The following SBF2 variants were observed in gnomAD, a reference collection of about 807,000 sequenced individuals.
The protein encoded by SBF2 is myotubularin-related protein 13.
Under a neutral mutation model 225.2 loss-of-function variants are expected in SBF2, and 112 were observed. The ratio of observed to expected loss-of-function variants is 0.50; its 90% confidence interval spans 0.43 to 0.58. The LOEUF (loss-of-function observed/expected upper bound fraction) is 0.58, where lower values mean the gene tolerates loss of function less well. Ranked by LOEUF, SBF2 falls within the 20% of genes least tolerant of loss-of-function variation. SBF2 has a pLI of 0.00. For synonymous variants in SBF2, 763 were observed against 773.3 expected (o/e 0.99, Z 0.22); for missense variants, 1,996 against 2,206.2 (o/e 0.90, Z 1.91).
intron 16 of SBF2, among the ~76,000 whole-genome samples, chr11:9,902,777 C>T (rs1861818318): frequency 6.6e-6 from 1 of 152,014 alleles, no homozygotes; most frequent in Admixed American, 6.5e-5. Context: ...AGTTAAGATA[C>T]AACTAAACTA....
intron 30 of SBF2, 107 bp from the exon 31 acceptor site, chr11:9,809,109 G>A (rs928989220): frequency 1.0e-4 from 79 of 773,116 alleles, no homozygotes; most frequent in South Asian, 2.5e-4. Flanking sequence ...GGGATAAAGC[G>A]CTTGCACAAA....
intron 2 of SBF2, among the ~76,000 whole-genome samples, chr11:10,060,794 C>T (rs1279239675): frequency 2.0e-5 from 3 of 152,030 alleles, no homozygotes; most frequent in African/African-American, 4.8e-5. Context: ...TTTGGGAGGC[C>T]GAGGCAGGAG....
At chr11:9,819,372 A>G (rs1456143794) in intron 28 of SBF2, 1 of 152,226 alleles carries the variant, frequency 6.6e-6, no homozygotes, top group East Asian at 1.9e-4. Flanking sequence ...GAGCAGATTG[A>G]GTAAGAGAAG....
intron 19 of SBF2, among the ~76,000 whole-genome samples, chr11:9,854,521 T>C (rs567151145): frequency 3.9e-4 from 60 of 152,348 alleles, no homozygotes; most frequent in African/African-American, 1.3e-3. Flanking sequence ...AAGCAGAGAC[T>C]ATGGCCATCA....
chr11:10,133,822 G>A (rs531554767), intron 2 of SBF2, among the ~76,000 whole-genome samples: 9 of 152,204 alleles, frequency 5.9e-5, no homozygotes, highest in Admixed American at 1.3e-4. Flanking sequence ...GGGAGGTGCC[G>A]AGAGCAAGCG....
chr11:10,226,958 C>T (rs1288694282), intron 1 of SBF2, among the ~76,000 whole-genome samples: 1 of 152,168 alleles, frequency 6.6e-6, no homozygotes, highest in Admixed American at 6.5e-5. Flanking sequence ...AAAAGTGTTC[C>T]TATTTCTCCA....
chr11:9,904,368 C>A (rs989383067), intron 16 of SBF2, among the ~76,000 whole-genome samples: 6 of 152,040 alleles, frequency 3.9e-5, no homozygotes, highest in African/African-American at 4.8e-5. Flanking sequence ...TGAAGCACTA[C>A]ATAATAATAA....
Position 9,870,485 on chromosome 11 carries a change from T to A in SBF2, c.1930-12089A>T, listed in dbSNP as rs192834526. Among the ~76,000 whole-genome samples the A allele has an allele frequency of 1.0e-3, 158 of 152,308 alleles. 1 individual carries two copies. The highest frequency in any genetic ancestry group is 1.9e-3 in the Non-Finnish European group (126 of 68,022). ...CAAGGCTACAGGAACCCAAACAGCA[T>A]GGTATTGGTACCAAAACAAATATGT... is the stretch of plus-strand genomic sequence containing the variant. On this transcript the variant is annotated intron_variant, in intron 17 of 39. Transcript: ENST00000256190.
At chr11:9,890,767 G>A (rs1294319168) in intron 17 of SBF2, among the ~76,000 whole-genome samples, 1 of 152,148 alleles carries the variant, frequency 6.6e-6, no homozygotes, top group Non-Finnish European at 1.5e-5. Flanking sequence ...GAAACCCTTT[G>A]GAATACCCTG....
chr11:9,991,575 C>A (rs895627158), intron 12 of SBF2, among the ~76,000 whole-genome samples: 1 of 152,078 alleles, frequency 6.6e-6, no homozygotes, highest in African/African-American at 2.4e-5. Flanking sequence ...TAATATAGTA[C>A]TCTTTCAAAA....
At chr11:10,173,976 A>C (rs1241257488) in intron 2 of SBF2, among the ~76,000 whole-genome samples, 10 of 151,998 alleles carry the variant, frequency 6.6e-5, no homozygotes. Flanking sequence ...AAAACTAACA[A>C]ACAGAAAGGA....
chr11:10,265,533 C>A, intron 1 of SBF2, among the ~76,000 whole-genome samples: 1 of 148,736 alleles, frequency 6.7e-6, no homozygotes, highest in Non-Finnish European at 1.5e-5. Context: ...CACAGGGTAT[C>A]TTTTTAAAAT....
At chr11:9,918,934 C>T (rs1001626576) in intron 16 of SBF2, among the ~76,000 whole-genome samples, 5 of 151,718 alleles carry the variant, frequency 3.3e-5, no homozygotes, top group African/African-American at 4.8e-5. Flanking sequence ...AGTAGAGACG[C>T]GGTTTCACCG....
At chr11:10,251,661 T>C (rs921705216) in intron 1 of SBF2, among the ~76,000 whole-genome samples, 6 of 152,212 alleles carry the variant, frequency 3.9e-5, no homozygotes, top group African/African-American at 9.6e-5. Flanking sequence ...CCTGGCATTA[T>C]CCTCCCAATA....
chr11:10,190,234 G>A (rs1427662169), intron 2 of SBF2, among the ~76,000 whole-genome samples: 1 of 151,656 alleles, frequency 6.6e-6, no homozygotes, highest in African/African-American at 2.4e-5. Context: ...CTCTGATCTA[G>A]CCAATAAAAA....
intron 36 of SBF2, among the ~76,000 whole-genome samples, chr11:9,786,121 A>G (rs919857864): frequency 6.6e-6 from 1 of 152,134 alleles, no homozygotes; most frequent in Admixed American, 6.5e-5. Context: ...TCGGCCTCCC[A>G]AAGTGCTGGG....
intron 16 of SBF2, among the ~76,000 whole-genome samples, chr11:9,923,343 A>T (rs769622379): frequency 3.9e-5 from 6 of 152,134 alleles, no homozygotes; most frequent in Non-Finnish European, 8.8e-5. Flanking sequence ...CAAAACAGAC[A>T]AGGCGTGCTG....
intron 28 of SBF2, among the ~76,000 whole-genome samples, chr11:9,821,069 A>G (rs1363961315): frequency 6.6e-6 from 1 of 152,178 alleles, no homozygotes; most frequent in African/African-American, 2.4e-5. Context: ...TGTTGGAGAA[A>G]GGCACAGACC....
At chr11:10,013,406 A>G (rs1300860524) in intron 6 of SBF2, among the ~76,000 whole-genome samples, 1 of 152,206 alleles carries the variant, frequency 6.6e-6, no homozygotes, top group Non-Finnish European at 1.5e-5. Flanking sequence ...GGCAACCACC[A>G]GATAAGAATG....
Sources: allele counts gnomAD v4.1 joint callset (sites outside exome capture counted in the v4.1 genomes callset), GRCh38; gene constraint gnomAD v4.1.1; transcripts MANE v1.5; gene names NCBI Gene and HGNC (gene_info 2026-07-23, HGNC 2026-07-21).